The following NRXN1 variants were observed in gnomAD, a reference collection of about 807,000 sequenced individuals.
NRXN1 encodes neurexin 1, also known as neurexin-1.
NRXN1 carries 39 observed loss-of-function variants against 150.9 expected under a neutral mutation model. That is an observed-to-expected ratio of 0.26 (90% CI 0.20 to 0.34). The LOEUF (loss-of-function observed/expected upper bound fraction) is 0.34, where lower values mean the gene tolerates loss of function less well. NRXN1 is among the 10% of genes least tolerant of loss of function. NRXN1 has a pLI of 1.00. For synonymous variants in NRXN1, 924 were observed against 757.0 expected, an observed-to-expected ratio of 1.22 and a Z score of -3.62; for missense variants, 1,815 against 1,949.9, an observed-to-expected ratio of 0.93 and a Z score of 1.30.
intron 5 of NRXN1, among the ~76,000 whole-genome samples, chr2:50,709,326 T>A (rs1452576640): frequency 1.2e-4 from 19 of 152,010 alleles, no homozygotes; most frequent in Admixed American, 1.2e-3. Flanking sequence ...GCAGGAAAAA[T>A]ATATTAAGTG....
chr2:50,367,877 T>A (rs2153016335), intron 17 of NRXN1, among the ~76,000 whole-genome samples: 1 of 152,166 alleles, frequency 6.6e-6, no homozygotes, highest in Non-Finnish European at 1.5e-5. Context: ...TTGCGTTTAA[T>A]ATTCTGTCAT....
intron 21 of NRXN1, among the ~76,000 whole-genome samples, chr2:50,037,431 T>C (rs770894847): frequency 1.1e-4 from 17 of 152,184 alleles, no homozygotes; most frequent in Non-Finnish European, 2.4e-4. Flanking sequence ...TTTCTATTCC[T>C]TACTCCCTGG....
chr2:50,299,950 A>C (rs1437932768), intron 17 of NRXN1, among the ~76,000 whole-genome samples: 3 of 152,208 alleles, frequency 2.0e-5, no homozygotes, highest in Non-Finnish European at 4.4e-5. Flanking sequence ...CAAAGGATCA[A>C]ACTCCCATCA....
At chr2:50,242,727 A>C (rs1162280449) in intron 17 of NRXN1, among the ~76,000 whole-genome samples, 1 of 151,772 alleles carries the variant, frequency 6.6e-6, no homozygotes, top group Non-Finnish European at 1.5e-5. Flanking sequence ...GGAAAAGAAA[A>C]AGAAAATATG....
In NRXN1 at chr2:50,034,731, T is replaced by A. The variant is rs183681894; in HGVS notation, c.4128+18540A>T. 3.3e-3 allele frequency among the ~76,000 whole-genome samples: 508 copies of A among 152,202 alleles called. 6 individuals are homozygous for A. The highest frequency in any genetic ancestry group is 0.022 in the South Asian group (104 of 4,828). On this transcript the variant is annotated intron_variant, in intron 21 of 22. Coordinates refer to ENST00000401669, the MANE Select transcript of NRXN1 (RefSeq NM_001330078.2). ...GTAAAGGAATGAAATAATGCCAATA[T>A]TTGAATGTGGTTTTGTATATGACTC...
At chr2:50,957,340 C>T (rs1433348635) in intron 2 of NRXN1, among the ~76,000 whole-genome samples, 1 of 152,078 alleles carries the variant, frequency 6.6e-6, no homozygotes, top group African/African-American at 2.4e-5. Context: ...TAATAACTTA[C>T]ATAAATTTTT....
intron 17 of NRXN1, among the ~76,000 whole-genome samples, chr2:50,250,204 G>T (rs1213572169): frequency 2.6e-5 from 4 of 152,114 alleles, no homozygotes; most frequent in African/African-American, 9.6e-5. Context: ...TGGTAACTTG[G>T]ACTACCTTAT....
intron 18 of NRXN1, among the ~76,000 whole-genome samples, chr2:50,147,350 C>G (rs1271411751): frequency 6.6e-6 from 1 of 151,672 alleles, no homozygotes; most frequent in East Asian, 1.9e-4. Context: ...CTACTAGTTA[C>G]AGAGTGGCAA....
At chr2:50,249,722 C>T (rs932125427) in intron 17 of NRXN1, among the ~76,000 whole-genome samples, 2 of 151,692 alleles carry the variant, frequency 1.3e-5, no homozygotes, top group Non-Finnish European at 2.9e-5. Context: ...ACTGCAAACT[C>T]TGCCTCCCGG....
rs147593422 is a variant in NRXN1 at position 50,707,502 on chromosome 2, C to T, written c.833-83887G>A. On this transcript the variant is annotated intron_variant, in intron 5 of 22. Transcript: ENST00000401669. ...AATTTCTGGCAGACGTTATCTTGTA[C>T]TTTCAGCTTTTTTGTGATAAACATA... 4.5e-3 allele frequency among the ~76,000 whole-genome samples: 691 copies of T among 152,244 alleles called. 5 individuals are homozygous for T. The highest frequency in any genetic ancestry group is 0.015 in the African/African-American group (641 of 41,548).
At chr2:50,661,296 C>T (rs759181343) in intron 5 of NRXN1, among the ~76,000 whole-genome samples, 22 of 152,110 alleles carry the variant, frequency 1.4e-4, no homozygotes, top group Admixed American at 5.9e-4. Flanking sequence ...GAAGAACTCA[C>T]GAGATATGTC....
At chr2:50,592,624 C>T (rs903395284) in intron 8 of NRXN1, among the ~76,000 whole-genome samples, 6 of 152,168 alleles carry the variant, frequency 3.9e-5, no homozygotes, top group African/African-American at 1.4e-4. Flanking sequence ...CTAACAGGTT[C>T]TCTCCTTACA....
At chr2:50,853,932 C>A (rs1175529569) in intron 5 of NRXN1, among the ~76,000 whole-genome samples, 2 of 152,008 alleles carry the variant, frequency 1.3e-5, no homozygotes, top group Non-Finnish European at 2.9e-5. Flanking sequence ...AGACTTTTTC[C>A]AATTTCTATA....
At chr2:50,407,511 T>C (rs1051948897) in intron 17 of NRXN1, among the ~76,000 whole-genome samples, 2 of 152,090 alleles carry the variant, frequency 1.3e-5, no homozygotes, top group African/African-American at 4.8e-5. Flanking sequence ...AAAACTCACG[T>C]TGAAATTTTA....
At position 50,659,731 on chromosome 2, in the gene NRXN1, C is replaced by CT. The variant is rs555703053; in HGVS notation, c.833-36117dup. Among the ~76,000 whole-genome samples, 1,191 of 142,456 alleles carry CT rather than the reference C, an allele frequency of 8.4e-3. 21 individuals carry two copies. The highest frequency in any genetic ancestry group is 0.025 in the African/African-American group (965 of 39,290). 93.5% of individuals were successfully genotyped at this position (142,456 alleles called of 152,430 possible). On this transcript the variant is annotated intron_variant, in intron 5 of 22. Transcript: ENST00000401669. ...TCATATACATTTTAGCTTCCTTTTT[C>CT]TTTTTTTTTTTTCCCAAATCCACAA... is the stretch of plus-strand genomic sequence containing the variant.
At chr2:50,726,533 A>G (rs1055988606) in intron 5 of NRXN1, among the ~76,000 whole-genome samples, 3 of 152,314 alleles carry the variant, frequency 2.0e-5, no homozygotes, top group African/African-American at 7.2e-5. Context: ...TAATTGTGCT[A>G]CACTGTTAAC....
intron 17 of NRXN1, among the ~76,000 whole-genome samples, chr2:50,269,540 T>C (rs1558417138): frequency 6.6e-6 from 1 of 152,240 alleles, no homozygotes; most frequent in African/African-American, 2.4e-5. Context: ...TTAATCTGAC[T>C]TTTTAAACAT....
chr2:50,512,567 C>T (rs182042286), intron 12 of NRXN1, among the ~76,000 whole-genome samples: 5 of 152,286 alleles, frequency 3.3e-5, no homozygotes, highest in Admixed American at 6.5e-5. Flanking sequence ...CTTAGTCCAG[C>T]TCTCCTTTTA....
chr2:50,418,044 G>A (rs913982571), intron 17 of NRXN1, among the ~76,000 whole-genome samples: 1 of 151,974 alleles, frequency 6.6e-6, no homozygotes, highest in Non-Finnish European at 1.5e-5. Flanking sequence ...TCTTCCAGAG[G>A]TCTAACCGAG....
Sources: gnomAD v4.1 joint callset for allele counts (sites outside exome capture counted in the v4.1 genomes callset) on GRCh38, gnomAD v4.1.1 for gene constraint, MANE v1.5 for transcripts, NCBI Gene and HGNC (gene_info 2026-07-23, HGNC 2026-07-21) for gene names.